The following DLGAP2 variants were observed in gnomAD, a reference collection of about 807,000 sequenced individuals.
DLGAP2 encodes DLG associated protein 2, also known as disks large-associated protein 2.
DLGAP2 carries 26 observed loss-of-function variants against 100.3 expected under a neutral mutation model. The observed-to-expected ratio is 0.26, with a 90% CI of 0.19 to 0.36. The LOEUF (loss-of-function observed/expected upper bound fraction) is 0.36, where lower values mean the gene tolerates loss of function less well. DLGAP2 is among the 10% of genes least tolerant of loss of function. The pLI is 1.00. For missense variants in DLGAP2, 1,858 were observed against 1,453.2 expected (o/e 1.28, Z -4.53); for synonymous variants, 886 against 630.1 (o/e 1.41, Z -6.08).
intron 3 of DLGAP2, among the ~76,000 whole-genome samples, chr8:1,347,165 G>C: frequency 7.6e-6 from 1 of 130,738 alleles, no homozygotes; most frequent in African/African-American, 2.9e-5. Flanking sequence ...TTGCGTTCCT[G>C]TACAGAGCTG....
At chr8:964,453 T>C (rs1157361980) in intron 2 of DLGAP2, among the ~76,000 whole-genome samples, 2 of 152,252 alleles carry the variant, frequency 1.3e-5, no homozygotes, top group Non-Finnish European at 2.9e-5. Flanking sequence ...ACCCAGCCTT[T>C]TATTCAAAGC....
chr8:1,008,854 C>T (rs140982021), intron 2 of DLGAP2, among the ~76,000 whole-genome samples: 3 of 152,354 alleles, frequency 2.0e-5, no homozygotes, highest in African/African-American at 4.8e-5. Flanking sequence ...GTCCTGATTC[C>T]GCCCAGGCAG....
At chr8:1,364,074 A>G (rs745538747) in intron 3 of DLGAP2, among the ~76,000 whole-genome samples, 16 of 152,154 alleles carry the variant, frequency 1.1e-4, no homozygotes, top group Non-Finnish European at 2.2e-4. Flanking sequence ...TGCCGCCTTC[A>G]GGTGCAGACC....
intron 3 of DLGAP2, among the ~76,000 whole-genome samples, chr8:1,318,559 G>A (rs977914300): frequency 2.6e-4 from 40 of 151,142 alleles, no homozygotes; most frequent in Non-Finnish European, 4.6e-4. Flanking sequence ...TGTCAGGGCC[G>A]GTTCGTTACC....
At chr8:1,458,857 G>A (rs1205790356) in intron 3 of DLGAP2, among the ~76,000 whole-genome samples, 3 of 152,212 alleles carry the variant, frequency 2.0e-5, no homozygotes, top group Non-Finnish European at 2.9e-5. Flanking sequence ...AGGGTCGGGC[G>A]TCCCCATGAT....
chr8:932,490 A>G (rs998989153), intron 2 of DLGAP2, among the ~76,000 whole-genome samples: 4 of 152,270 alleles, frequency 2.6e-5, no homozygotes, highest in Non-Finnish European at 4.4e-5. Flanking sequence ...CATTTCCTAT[A>G]AAACACAAGA....
chr8:1,129,674 T>C (rs1163591439), intron 2 of DLGAP2, among the ~76,000 whole-genome samples: 2 of 152,214 alleles, frequency 1.3e-5, no homozygotes, highest in Non-Finnish European at 2.9e-5. Flanking sequence ...TTCTTGTAAC[T>C]GTGGATACAG....
intron 3 of DLGAP2, among the ~76,000 whole-genome samples, chr8:1,287,883 ATG>A (rs1312547681): frequency 0.015 from 753 of 51,680 alleles, 7 homozygotes; most frequent in Middle Eastern, 0.062. Context: ...TTGGTTCAGC[ATG>A]TGTGTGTGTG....
intron 6 of DLGAP2, among the ~76,000 whole-genome samples, chr8:1,571,351 C>G (rs1318276903): frequency 1.3e-5 from 1 of 79,370 alleles, no homozygotes; most frequent in African/African-American, 5.1e-5. Flanking sequence ...ACTGTGGGGG[C>G]ATCTGATGAG....
At chr8:988,937 G>T (rs1800568808) in intron 2 of DLGAP2, among the ~76,000 whole-genome samples, 2 of 152,162 alleles carry the variant, frequency 1.3e-5, no homozygotes, top group South Asian at 4.2e-4. Context: ...CTCTCCACAT[G>T]CTGTGGATTT....
intron 5 of DLGAP2, among the ~76,000 whole-genome samples, chr8:1,554,565 C>T (rs758552102): frequency 6.6e-6 from 1 of 152,142 alleles, no homozygotes; most frequent in Non-Finnish European, 1.5e-5. Flanking sequence ...CTCTGCTGCC[C>T]ATCTGCCTCC....
chr8:792,712 A>G (rs1291125332), intron 1 of DLGAP2, among the ~76,000 whole-genome samples: 1 of 152,238 alleles, frequency 6.6e-6, no homozygotes, highest in Non-Finnish European at 1.5e-5. Flanking sequence ...AGGTTTTATC[A>G]AATGCTTATT....
At chr8:881,560 C>T (rs960004076) in intron 1 of DLGAP2, among the ~76,000 whole-genome samples, 1 of 140,744 alleles carries the variant, frequency 7.1e-6, no homozygotes, top group Non-Finnish European at 1.5e-5. Context: ...AGTGCAGTGG[C>T]ACGATTTTGG....
intron 1 of DLGAP2, among the ~76,000 whole-genome samples, chr8:848,255 A>G (rs1204012429): frequency 1.3e-5 from 2 of 152,174 alleles, no homozygotes; most frequent in Non-Finnish European, 2.9e-5. Context: ...GCTGAGTAGT[A>G]TTCCAGTATA....
intron 1 of DLGAP2, among the ~76,000 whole-genome samples, chr8:776,130 A>G (rs2132616128): frequency 6.6e-6 from 1 of 151,068 alleles, no homozygotes. Context: ...TTTCTAGTTT[A>G]TTTGCATAGA....
At position 1,229,837 on chromosome 8, in the gene DLGAP2, C is replaced by T. The variant is rs138317960; in HGVS notation, c.74-29014C>T. Among the ~76,000 whole-genome samples the T allele has an allele frequency of 9.2e-5, 14 of 152,126 alleles. No individual in the cohort carries two copies. In the East Asian group the frequency reaches 2.7e-3, roughly 29 times the overall value. ...TCCAACACCCTTTCATGATAAAAAC[C>T]CTCCAGAAACTAGGCATCAAAGGAA... is the stretch of plus-strand genomic sequence containing the variant. On this transcript the variant is annotated intron_variant, in intron 2 of 14. Coordinates refer to ENST00000637795, the MANE Select transcript of DLGAP2 (RefSeq NM_001346810.2).
chr8:907,490 G>A (rs1373547840), intron 1 of DLGAP2, among the ~76,000 whole-genome samples: 3 of 152,142 alleles, frequency 2.0e-5, no homozygotes, highest in African/African-American at 4.8e-5. Flanking sequence ...CTTGATGGAA[G>A]CTCAGACTCT....
chr8:842,604 A>G (rs1326410550), intron 1 of DLGAP2, among the ~76,000 whole-genome samples: 1 of 136,580 alleles, frequency 7.3e-6, no homozygotes, highest in Non-Finnish European at 1.6e-5. Flanking sequence ...GTTTTCAGGG[A>G]ACGTTTACGA....
intron 6 of DLGAP2, among the ~76,000 whole-genome samples, chr8:1,580,111 A>T (rs1803167405): frequency 6.6e-6 from 1 of 152,206 alleles, no homozygotes; most frequent in Non-Finnish European, 1.5e-5. Context: ...TTTAGGAGAC[A>T]CCGTAAAATT....
Sources: gnomAD v4.1 joint callset for allele counts (sites outside exome capture counted in the v4.1 genomes callset) on GRCh38, gnomAD v4.1.1 for gene constraint, MANE v1.5 for transcripts, NCBI Gene and HGNC (gene_info 2026-07-23, HGNC 2026-07-21) for gene names.